Variants in ZC3H12B observed in about 807,000 individuals in gnomAD.
ZC3H12B encodes the protein zinc finger CCCH-type containing 12B, also known as probable ribonuclease ZC3H12B.
Under a neutral mutation model 43.9 loss-of-function variants are expected in ZC3H12B, and 7 were observed. The observed-to-expected ratio is 0.16, with a 90% CI of 0.09 to 0.30. The LOEUF is 0.30. Among genes scored for constraint, ZC3H12B ranks in the 10% least tolerant of loss-of-function variants. ZC3H12B has a pLI of 1.00. For missense variants in ZC3H12B, 475 were observed against 670.2 expected (o/e 0.71, Z 3.22); for synonymous variants, 222 against 241.7 (o/e 0.92, Z 0.76).
At chrX:65,338,555 C>A in the ZC3H12B span, among the ~76,000 whole-genome samples, 3 of 111,748 alleles carry the variant, frequency 2.7e-5, no homozygotes, top group Non-Finnish European at 3.8e-5. Flanking sequence ...GGCAGAGACA[C>A]AAGGAGAAAA....
the ZC3H12B span, among the ~76,000 whole-genome samples, chrX:65,336,556 T>C: frequency 2.7e-5 from 3 of 112,468 alleles, no homozygotes; most frequent in African/African-American, 9.7e-5. Flanking sequence ...TTGTGTCCTG[T>C]CATCTTTAAT....
intron 3 of ZC3H12B, among the ~76,000 whole-genome samples, chrX:65,401,392 C>T (rs1428871328): frequency 8.9e-6 from 1 of 111,766 alleles, no homozygotes; most frequent in African/African-American, 3.3e-5. Flanking sequence ...TTAAAGAAAC[C>T]TTAGCCAGAG....
At chrX:65,226,295 A>G in the ZC3H12B span, among the ~76,000 whole-genome samples, 1 of 111,306 alleles carries the variant, frequency 9.0e-6, no homozygotes, top group East Asian at 2.8e-4. Context: ...AAGGAGAAAT[A>G]AAATCCTTTA....
At chrX:65,154,294 A>C in the ZC3H12B span, among the ~76,000 whole-genome samples, 3 of 112,345 alleles carry the variant, frequency 2.7e-5, no homozygotes, top group African/African-American at 9.7e-5. Flanking sequence ...AACATCGTAT[A>C]CATCTTTTGT....
chrX:65,495,342 G>A (rs764145969), intron 1 of ZC3H12B, among the ~76,000 whole-genome samples: 1 of 111,876 alleles, frequency 8.9e-6, no homozygotes, highest in African/African-American at 3.2e-5. Context: ...ACAGTGGGAA[G>A]TCTTGCAGTA....
the ZC3H12B span, among the ~76,000 whole-genome samples, chrX:65,091,879 A>G: frequency 1.8e-5 from 2 of 112,485 alleles, no homozygotes; most frequent in African/African-American, 3.2e-5. Flanking sequence ...CAAATAAAAC[A>G]GGGTGATATG....
At chrX:65,426,326 A>C (rs1449728940) in intron 3 of ZC3H12B, among the ~76,000 whole-genome samples, 1 of 72,909 alleles carries the variant, frequency 1.4e-5, no homozygotes, top group Admixed American at 1.9e-4. Context: ...ATTTCTGTTT[A>C]TTTGATTCTT....
the ZC3H12B span, among the ~76,000 whole-genome samples, chrX:65,068,567 G>A: frequency 9.0e-6 from 1 of 111,474 alleles, no homozygotes; most frequent in Non-Finnish European, 1.9e-5. Flanking sequence ...ATATCTTATT[G>A]TACTGTCCGT....
chrX:65,348,737 G>A, the ZC3H12B span, among the ~76,000 whole-genome samples: 1 of 106,207 alleles, frequency 9.4e-6, no homozygotes, highest in Non-Finnish European at 1.9e-5. Context: ...TGATAAAACA[G>A]ACTTTAAACC....
At chrX:65,095,457 AAG>A in the ZC3H12B span, among the ~76,000 whole-genome samples, 2 of 111,055 alleles carry the variant, frequency 1.8e-5, no homozygotes, top group African/African-American at 6.5e-5. Flanking sequence ...CCAAATTGGA[AAG>A]AGAGAGAGGC....
intron 3 of ZC3H12B, among the ~76,000 whole-genome samples, chrX:65,411,590 G>C (rs1033350809): frequency 9.1e-6 from 1 of 110,153 alleles, no homozygotes; most frequent in Non-Finnish European, 1.9e-5. Context: ...GCTGGGCGTG[G>C]TGGCACACAC....
At chrX:65,221,855 A>G in the ZC3H12B span, among the ~76,000 whole-genome samples, 2 of 111,071 alleles carry the variant, frequency 1.8e-5, no homozygotes, top group African/African-American at 6.5e-5. Flanking sequence ...TGAAACCAGT[A>G]TCACCCTGAT....
chrX:65,124,796 A>G, the ZC3H12B span, among the ~76,000 whole-genome samples: 3 of 110,858 alleles, frequency 2.7e-5, no homozygotes, highest in East Asian at 8.5e-4. Flanking sequence ...GTAGCCTTCA[A>G]AAATCTTTTA....
the ZC3H12B span, among the ~76,000 whole-genome samples, chrX:65,053,594 A>C: frequency 8.9e-6 from 1 of 111,823 alleles, no homozygotes; most frequent in Non-Finnish European, 1.9e-5. Context: ...TTATAGCAGC[A>C]TGATTTATAC....
the ZC3H12B span, among the ~76,000 whole-genome samples, chrX:65,115,759 A>AG: frequency 1.9e-4 from 21 of 111,755 alleles, no homozygotes; most frequent in African/African-American, 6.5e-4. Flanking sequence ...TGCAAGAGTT[A>AG]GATGATATCA....
the ZC3H12B span, among the ~76,000 whole-genome samples, chrX:65,235,828 G>C: frequency 1.8e-5 from 2 of 111,815 alleles, no homozygotes; most frequent in African/African-American, 3.3e-5. Context: ...AAGTGGTACC[G>C]TGTTACCTCA....
the ZC3H12B span, among the ~76,000 whole-genome samples, chrX:65,245,759 G>T: frequency 9.0e-6 from 1 of 111,294 alleles, no homozygotes; most frequent in South Asian, 3.8e-4. Flanking sequence ...GCAAAATCTG[G>T]AAGCAGTCCC....
At chrX:65,495,650 G>A (rs1320991346) in intron 1 of ZC3H12B, among the ~76,000 whole-genome samples, 1 of 111,856 alleles carries the variant, frequency 8.9e-6, no homozygotes, top group Non-Finnish European at 1.9e-5. Context: ...ATATGTCAGA[G>A]CACTAGATAC....
chrX:65,199,270 A>G, the ZC3H12B span, among the ~76,000 whole-genome samples: 1 of 107,393 alleles, frequency 9.3e-6, no homozygotes, highest in Non-Finnish European at 1.9e-5. Flanking sequence ...TGCTGTTAAG[A>G]GACTATGATG....
Sources: gnomAD v4.1 joint callset for allele counts (sites outside exome capture counted in the v4.1 genomes callset) on GRCh38, gnomAD v4.1.1 for gene constraint, MANE v1.5 for transcripts, NCBI Gene and HGNC (gene_info 2026-07-23, HGNC 2026-07-21) for gene names.